UGT1A7: variants seen among roughly 807,000 people sequenced by gnomAD.
UGT1A7 encodes the protein UDP-glucuronosyltransferase 1A7.
A neutral mutation model predicts 45.6 loss-of-function variants in UGT1A7; 33 were observed. That is an observed-to-expected ratio of 0.72 (90% confidence interval 0.55 to 0.97). The LOEUF is 0.97. UGT1A7 is among the 50% of genes least tolerant of loss of function. The pLI, the probability that UGT1A7 is intolerant of heterozygous loss-of-function variation, is 0.00. For missense variants in UGT1A7, 684 were observed against 666.2 expected (o/e 1.03, Z -0.29); for synonymous variants, 274 against 250.6 (o/e 1.09, Z -0.88).
intron 1 of UGT1A7, among the ~76,000 whole-genome samples, chr2:233,751,496 T>G (rs189001401): frequency 2.2e-4 from 34 of 152,268 alleles, no homozygotes; most frequent in African/African-American, 7.9e-4. Context: ...GACATGAGAT[T>G]TGGGAGGGGC....
At chr2:233,753,194 GC>G (rs1375850984) in intron 1 of UGT1A7, 1 of 152,080 alleles carries the variant, frequency 6.6e-6, no homozygotes, top group Admixed American at 6.5e-5. Flanking sequence ...TTTTTCAAAA[GC>G]CCTGACAGTC....
chr2:233,693,747 A>G (rs2075178821), intron 1 of UGT1A7: 1 of 1,614,228 alleles, frequency 6.2e-7, no homozygotes, highest in South Asian at 1.1e-5. Flanking sequence ...ACCTTATATC[A>G]GAAGGTCTCT....
At chr2:233,713,300 A>T in intron 1 of UGT1A7, 1 of 1,614,272 alleles carries the variant, frequency 6.2e-7, no homozygotes, top group Non-Finnish European at 8.5e-7. Context: ...TCTTTGAAAC[A>T]GAACATCTTC....
chr2:233,685,333 T>C (rs1452516626), intron 1 of UGT1A7, among the ~76,000 whole-genome samples: 1 of 152,160 alleles, frequency 6.6e-6, no homozygotes, highest in Non-Finnish European at 1.5e-5. Context: ...ACACCCGGAC[T>C]TAAAGTGGTT....
intron 1 of UGT1A7, among the ~76,000 whole-genome samples, chr2:233,711,091 T>G (rs938656759): frequency 1.3e-5 from 2 of 152,216 alleles, no homozygotes; most frequent in East Asian, 3.8e-4. Flanking sequence ...CAAGTCTATC[T>G]GTGCAGCCCA....
At chr2:233,697,108 G>A (rs1275365207) in intron 1 of UGT1A7, among the ~76,000 whole-genome samples, 1 of 152,040 alleles carries the variant, frequency 6.6e-6, no homozygotes, top group African/African-American at 2.4e-5. Context: ...GAGTTTGGAA[G>A]TATTCTCTCC....
In UGT1A7 at chr2:233,743,758, G is replaced by T. The variant is rs761738753; in HGVS notation, c.856-23276G>T. 5 of 1,367,210 alleles carry T rather than the reference G, an allele frequency of 3.7e-6. No homozygotes were observed. In the Admixed American group the frequency reaches 9.5e-5, roughly 26 times the overall value. 84.7% of individuals were successfully genotyped at this position (1,367,210 alleles called of 1,614,324 possible). ...GTTTCTTGGCGTCCGACAACACCTCGTAGGCCTCGGCCACCTGCTTGAATC... is the reference window on the plus strand; with the variant it reads ...GTTTCTTGGCGTCCGACAACACCTCTTAGGCCTCGGCCACCTGCTTGAATC... On this transcript the variant is annotated intron_variant, in intron 1 of 4. Coordinates refer to ENST00000373426, the MANE Select transcript of UGT1A7 (RefSeq NM_019077.3).
At chr2:233,767,271 T>G in intron 2 of UGT1A7, 106 bp downstream of exon 2, 1 of 1,583,574 alleles carries the variant, frequency 6.3e-7, no homozygotes, top group East Asian at 2.2e-5. Context: ...TAGATTTGGC[T>G]TTTCCCTGCC....
chr2:233,768,235 G>T lies in UGT1A7; in HGVS notation c.1091G>T (p.Arg364Leu), dbSNP rs374047963. 32 of 1,614,018 alleles carry T rather than the reference G, an allele frequency of 2.0e-5. No homozygotes were observed. Among genetic ancestry groups the T allele is most frequent in the African/African-American group, 1.3e-5 (1 of 74,898 alleles). Residue 364 changes from arginine (R) to leucine (L), a missense_variant, in exon 4 of 5, where the codon CGT becomes CTT. Physicochemically the swap from Arg to Leu is moderately radical, Grantham distance 102. Transcript: ENST00000373426. ...QNDLLGHPMT[R>L]AFITHAGSHG... is the part of the protein sequence containing the mutation. ...TGCATCTCAGGTCACCCGATGACCC[G>T]TGCCTTTATCACCCATGCTGGTTCC...
Position 233,719,440 on chromosome 2 carries a change from T to G in UGT1A7, c.855+36648T>G, listed in dbSNP as rs2076766565. The G allele has an allele frequency of 3.7e-6, 6 of 1,613,928 alleles. No individual in the cohort carries two copies. In the East Asian group the frequency reaches 1.3e-4, roughly 36 times the overall value. ...ACGACCAATTCAGACCACATGACAT[T>G]CCTGCAAAGGGTCAAGAACATGCTC... On this transcript the variant is annotated intron_variant, in intron 1 of 4. Coordinates refer to ENST00000373426, the MANE Select transcript of UGT1A7 (RefSeq NM_019077.3).
chr2:233,693,023 T>A (rs6759892), intron 1 of UGT1A7: 4 of 1,613,804 alleles, frequency 2.5e-6, no homozygotes, highest in Non-Finnish European at 3.4e-6. Context: ...CCTCCTTCGC[T>A]CATTTCAGAG....
At chr2:233,760,928 T>C (rs1276169722) in intron 1 of UGT1A7, 2 of 1,614,184 alleles carry the variant, frequency 1.2e-6, no homozygotes, top group Non-Finnish European at 1.7e-6. Context: ...AAGAACATGC[T>C]CATTGCCTTT....
At position 233,767,975 on chromosome 2, in the gene UGT1A7, T is replaced by A. The variant is rs772516341; in HGVS notation, c.1075+39T>A. The A allele has an allele frequency of 6.2e-6, 10 of 1,614,016 alleles. No homozygotes were observed. The African/African-American group carries it at 1.3e-4, about 22-fold the overall frequency. On this transcript the variant is annotated intron_variant, in intron 3 of 4. Transcript: ENST00000373426. ...ATTGGATGTATAGGTCAAACCAGGGTCAAATTAAGAAAATGGCTTAAGCAC... is the reference window on the plus strand; with the variant it reads ...ATTGGATGTATAGGTCAAACCAGGGACAAATTAAGAAAATGGCTTAAGCAC...
intron 1 of UGT1A7, among the ~76,000 whole-genome samples, chr2:233,756,852 C>T (rs11568318): frequency 6.6e-5 from 10 of 152,088 alleles, no homozygotes; most frequent in East Asian, 1.9e-4. Flanking sequence ...AACATTCTAA[C>T]GGTTCATAAA....
At chr2:233,724,269 C>T (rs1414363673) in intron 1 of UGT1A7, among the ~76,000 whole-genome samples, 11 of 124,848 alleles carry the variant, frequency 8.8e-5, no homozygotes, top group South Asian at 3.1e-4. Context: ...CCGGACGGGG[C>T]GGCTGGCCGG....
At chr2:233,735,613 C>G (rs2078673556) in intron 1 of UGT1A7, among the ~76,000 whole-genome samples, 1 of 152,148 alleles carries the variant, frequency 6.6e-6, no homozygotes, top group African/African-American at 2.4e-5. Context: ...CATCGATAGT[C>G]TTTACAATTT....
intron 1 of UGT1A7, among the ~76,000 whole-genome samples, chr2:233,737,855 A>G (rs577176217): frequency 2.6e-5 from 4 of 152,218 alleles, no homozygotes; most frequent in East Asian, 1.9e-4. Context: ...CACTCTTGCT[A>G]TGCCCCTTAA....
chr2:233,772,888 G>C lies in UGT1A7; in HGVS notation c.*329G>C. 3.7e-6 allele frequency: 2 copies of C among 534,950 alleles called. No individual in the cohort carries two copies. Among genetic ancestry groups the C allele is most frequent in the Admixed American group, 3.7e-5 (1 of 26,668 alleles). The allele number at this position is 534,950 out of a possible 1,614,324, so 33.1% of individuals were successfully genotyped here. ...CTGTTTGGGAGTGCGGGATTCAAAGGTGGTCCCACGGCTGCCCCTACTGCA... is the reference window on the plus strand; with the variant it reads ...CTGTTTGGGAGTGCGGGATTCAAAGCTGGTCCCACGGCTGCCCCTACTGCA... On this transcript the variant is annotated 3_prime_UTR_variant, in exon 5 of 5. Coordinates refer to ENST00000373426, the MANE Select transcript of UGT1A7 (RefSeq NM_019077.3).
chr2:233,730,323 CA>C lies in UGT1A7; in HGVS notation c.856-36710del, dbSNP rs2078014801. Among the ~76,000 whole-genome samples the C allele has an allele frequency of 2.0e-5, 3 of 152,152 alleles. No homozygotes were observed. The South Asian group carries it at 6.2e-4, about 32-fold the overall frequency. ...TCCTTCAGCTTGGCAGGAACAGGGA[CA>C]CTACGTTTGGAACTGATCCATCCTG... On this transcript the variant is annotated intron_variant, in intron 1 of 4. Transcript: ENST00000373426.
Sources: gnomAD v4.1 joint callset for allele counts (sites outside exome capture counted in the v4.1 genomes callset) on GRCh38, gnomAD v4.1.1 for gene constraint, MANE v1.5 for transcripts, NCBI Gene and HGNC (gene_info 2026-07-23, HGNC 2026-07-21) for gene names.